The following ATG16L1 variants were observed in gnomAD, a reference collection of about 807,000 sequenced individuals.
The protein encoded by ATG16L1 is autophagy-related protein 16-1.
In ATG16L1, 37 loss-of-function variants were observed where a neutral mutation model predicts 88.5. The observed-to-expected ratio is 0.42, with a 90% CI of 0.32 to 0.55. The LOEUF (loss-of-function observed/expected upper bound fraction) is 0.55, where lower values mean the gene tolerates loss of function less well. ATG16L1 is among the 20% of genes least tolerant of loss of function. The probability of loss-of-function intolerance (pLI) is 0.13; values close to 1 mark genes in which losing one functional copy is unlikely to be tolerated. For synonymous variants in ATG16L1, 301 were observed against 281.0 expected, an observed-to-expected ratio of 1.07 and a Z score of -0.71; for missense variants, 554 against 752.8, an observed-to-expected ratio of 0.74 and a Z score of 3.09.
In ATG16L1 at chr2:233,282,664, T is replaced by A; in HGVS notation, c.1132-18T>A. ...TGATTTGGCTAAAAATTGGTTTTCC[T>A]CTTCTTTATTCCCACAGGGATCTTA... On this transcript the variant is annotated intron_variant, in intron 11 of 17. Transcript: ENST00000392017. 1 of 1,613,186 alleles carries A rather than the reference T, an allele frequency of 6.2e-7. No homozygotes were observed.
intron 5 of ATG16L1, among the ~76,000 whole-genome samples, chr2:233,267,734 G>A (rs759977516): frequency 1.1e-4 from 16 of 152,224 alleles, no homozygotes; most frequent in East Asian, 3.8e-4. Context: ...GCATGTTCAC[G>A]TCAGCTGAGA....
intron 1 of ATG16L1, among the ~76,000 whole-genome samples, chr2:233,255,028 C>T (rs1264521563): frequency 2.0e-5 from 3 of 152,082 alleles, no homozygotes; most frequent in African/African-American, 7.2e-5. Flanking sequence ...GGCTGGAGTG[C>T]AGTGGCGCGA....
At chr2:233,256,673 G>A (rs922118393) in intron 2 of ATG16L1, among the ~76,000 whole-genome samples, 1 of 151,102 alleles carries the variant, frequency 6.6e-6, no homozygotes, top group Non-Finnish European at 1.5e-5. Flanking sequence ...GCAGTGGTTC[G>A]ACTTATAATT....
At chr2:233,278,223 T>C (rs1017044180) in intron 10 of ATG16L1, among the ~76,000 whole-genome samples, 6 of 152,210 alleles carry the variant, frequency 3.9e-5, no homozygotes, top group South Asian at 2.1e-4. Context: ...TTTGGACTTT[T>C]AGGATGCTCA....
chr2:233,272,236 A>AG (rs1180058278), intron 6 of ATG16L1, among the ~76,000 whole-genome samples: 3 of 152,210 alleles, frequency 2.0e-5, no homozygotes, highest in African/African-American at 4.8e-5. Context: ...AAAATGAGGA[A>AG]GGGGGATTCC....
intron 11 of ATG16L1, 134 bp from the exon 12 acceptor site, chr2:233,282,548 C>A: frequency 1.3e-6 from 1 of 747,812 alleles, no homozygotes; most frequent in Non-Finnish European, 2.3e-6. Context: ...ACGACAGTAG[C>A]TGGTATTCAG....
intron 9 of ATG16L1, chr2:233,275,639 G>A: frequency 2.1e-6 from 1 of 471,504 alleles, no homozygotes; most frequent in South Asian, 1.6e-5. Context: ...GTTCCGCTTT[G>A]GAGGAGGAGT....
intron 12 of ATG16L1, chr2:233,288,716 C>T (rs765715686): frequency 9.7e-6 from 5 of 515,412 alleles, no homozygotes; most frequent in South Asian, 7.0e-5. Context: ...CCTCAGATCC[C>T]CTCCCGGCAT....
intron 2 of ATG16L1, among the ~76,000 whole-genome samples, chr2:233,257,240 A>C (rs1164062023): frequency 6.6e-6 from 1 of 152,024 alleles, no homozygotes; most frequent in African/African-American, 2.4e-5. Context: ...CGTGTTAGCC[A>C]GGATGGTCTT....
Position 233,289,965 on chromosome 2 carries a change from A to G in ATG16L1, c.1315A>G (p.Ser439Gly). The G allele has an allele frequency of 6.2e-7, 1 of 1,613,790 alleles. No individual in the cohort carries two copies. The highest frequency in any genetic ancestry group is 8.5e-7 in the Non-Finnish European group (1 of 1,179,666). The change falls in exon 13 of 18, where the codon AGC (serine) becomes GGC (glycine). Residue 439 changes from serine (S) to glycine (G), a missense_variant. Around this residue, in one of 5 missense-constraint regions of ATG16L1, gnomAD observed 370 missense variants for 509.7 expected, o/e 0.73. Transcript: ENST00000392017. ...DRTLKLWDLR[S>G]KVCIKTVFAG... is the part of the protein sequence containing the mutation. ...GACTCTCAAACTCTGGGATCTACGC[A>G]GCAAAGTCTGTGAGGAAATTCAGTC...
At chr2:233,293,422 G>A (rs912072990) in intron 17 of ATG16L1, 65 bp downstream of exon 17, 23 of 1,446,054 alleles carry the variant, frequency 1.6e-5, no homozygotes, top group Non-Finnish European at 2.1e-5. Flanking sequence ...TCATCTCAGG[G>A]GTCATCCGGT....
chr2:233,277,450 G>T (rs1698447481), intron 9 of ATG16L1, 118 bp from the exon 10 acceptor site: 1 of 846,944 alleles, frequency 1.2e-6, no homozygotes. Flanking sequence ...TTTATGATTG[G>T]CTCCACCTGT....
At chr2:233,294,008 G>A (rs79710076) in intron 17 of ATG16L1, among the ~76,000 whole-genome samples, 1,910 of 152,294 alleles carry the variant, frequency 0.013, 18 homozygotes, top group East Asian at 0.027. Flanking sequence ...AGTGTGATAA[G>A]GCCTGACTGC....
intron 2 of ATG16L1, among the ~76,000 whole-genome samples, chr2:233,256,868 G>C (rs1248636156): frequency 6.6e-6 from 1 of 150,956 alleles, no homozygotes; most frequent in Non-Finnish European, 1.5e-5. Flanking sequence ...CACCTGGCTA[G>C]TTTTTGTATT....
At chr2:233,258,144 A>G (rs1696948485) in intron 2 of ATG16L1, among the ~76,000 whole-genome samples, 1 of 151,930 alleles carries the variant, frequency 6.6e-6, no homozygotes, top group African/African-American at 2.4e-5. Flanking sequence ...GTGTGCATTT[A>G]TGTATATTTG....
Position 233,265,269 on chromosome 2 carries a change from A to C in ATG16L1, c.641+126A>C, listed in dbSNP as rs545213841. On this transcript the variant is annotated intron_variant, in intron 5 of 17. Transcript: ENST00000392017. ...TACCAGGGAATTCTTTCAGTGTTTC[A>C]AGGAGAAAAGCTAATTCTGAACAAT... The C allele has an allele frequency of 2.1e-5, 25 of 1,217,680 alleles. No homozygotes were observed. In the Admixed American group the frequency reaches 5.5e-4, roughly 27 times the overall value. 75.4% of individuals were successfully genotyped at this position (1,217,680 alleles called of 1,614,324 possible).
chr2:233,286,322 C>G (rs1353364459), intron 12 of ATG16L1, among the ~76,000 whole-genome samples: 1 of 152,182 alleles, frequency 6.6e-6, no homozygotes, highest in East Asian at 1.9e-4. Context: ...GAAGCCTCCC[C>G]ACTTTGAGGC....
intron 6 of ATG16L1, among the ~76,000 whole-genome samples, chr2:233,270,604 C>T (rs1032712589): frequency 6.6e-5 from 10 of 152,160 alleles, no homozygotes; most frequent in Non-Finnish European, 1.3e-4. Context: ...ATTGTGCCTG[C>T]CATGTAATGC....
chr2:233,281,873 A>G (rs1050313516), intron 11 of ATG16L1, among the ~76,000 whole-genome samples: 1 of 152,118 alleles, frequency 6.6e-6, no homozygotes, highest in African/African-American at 2.4e-5. Context: ...ATCTTGTGCA[A>G]ACCTATTCTA....
Sources: allele counts gnomAD v4.1 joint callset (sites outside exome capture counted in the v4.1 genomes callset), GRCh38; gene constraint gnomAD v4.1.1; regional missense constraint gnomAD v4.1.1; transcripts MANE v1.5; gene names NCBI Gene and HGNC (gene_info 2026-07-23, HGNC 2026-07-21).